CCSER1: variants seen among roughly 807,000 people sequenced by gnomAD.
CCSER1 encodes serine-rich coiled-coil domain-containing protein 1.
In CCSER1, 41 loss-of-function variants were observed where a neutral mutation model predicts 82.0. The observed-to-expected ratio is 0.50, with a 90% CI of 0.39 to 0.65. CCSER1 has a LOEUF of 0.65. CCSER1 is among the 30% of genes least tolerant of loss of function. The pLI is 0.00. For missense variants in CCSER1, 1,119 were observed against 1,064.2 expected (o/e 1.05, Z -0.72); for synonymous variants, 414 against 383.9 (o/e 1.08, Z -0.92).
chr4:91,281,811 G>A (rs897052721), intron 10 of CCSER1, among the ~76,000 whole-genome samples: 1 of 151,958 alleles, frequency 6.6e-6, no homozygotes, highest in Admixed American at 6.6e-5. Flanking sequence ...AAGTAAGTTT[G>A]TTCCTTGTTT....
intron 10 of CCSER1, among the ~76,000 whole-genome samples, chr4:91,547,785 TTTTG>T (rs1761964577): frequency 2.0e-5 from 3 of 152,064 alleles, no homozygotes; most frequent in Admixed American, 2.0e-4. Flanking sequence ...TTTTTTGTTT[TTTTG>T]TTTGTTTTTT....
intron 10 of CCSER1, among the ~76,000 whole-genome samples, chr4:91,096,127 T>G (rs998749356): frequency 6.6e-6 from 1 of 152,152 alleles, no homozygotes; most frequent in Non-Finnish European, 1.5e-5. Flanking sequence ...AAGCACACCT[T>G]TCCACTGTAT....
Position 90,358,079 on chromosome 4 carries a change from GT to G in CCSER1, c.1510-41952del, listed in dbSNP as rs563524392. On this transcript the variant is annotated intron_variant, in intron 3 of 10. Coordinates refer to ENST00000509176, the MANE Select transcript of CCSER1 (RefSeq NM_001145065.2). ...TAAAACTTTAGTGAGATAACTTTTA[GT>G]TTTTATCTGAAGTGTAACTATAAGG... Among the ~76,000 whole-genome samples, 290 of 152,042 alleles carry G rather than the reference GT, an allele frequency of 1.9e-3. 1 individual carries two copies. The highest frequency in any genetic ancestry group is 6.7e-3 in the African/African-American group (277 of 41,518).
intron 10 of CCSER1, among the ~76,000 whole-genome samples, chr4:91,148,476 T>A (rs912348532): frequency 6.6e-6 from 1 of 151,954 alleles, no homozygotes; most frequent in Non-Finnish European, 1.5e-5. Flanking sequence ...CATTCTTATT[T>A]ATTTATTTAT....
chr4:91,049,961 G>A (rs1032900017), intron 9 of CCSER1, among the ~76,000 whole-genome samples: 1 of 152,168 alleles, frequency 6.6e-6, no homozygotes, highest in Non-Finnish European at 1.5e-5. Context: ...ACCCTAATCA[G>A]AATAGTTACT....
At chr4:90,148,474 G>A (rs1233974355) in intron 1 of CCSER1, among the ~76,000 whole-genome samples, 1 of 152,058 alleles carries the variant, frequency 6.6e-6, no homozygotes. Flanking sequence ...ACAAAGAAAT[G>A]CATATTGTCT....
At chr4:90,148,207 TTTATAG>T (rs1282718193) in intron 1 of CCSER1, among the ~76,000 whole-genome samples, 12 of 152,134 alleles carry the variant, frequency 7.9e-5, no homozygotes, top group Non-Finnish European at 1.6e-4. Flanking sequence ...TAATTTAAAT[TTTATAG>T]TTATAGGCAA....
At chr4:90,932,757 G>C (rs1400235932) in intron 9 of CCSER1, among the ~76,000 whole-genome samples, 1 of 146,520 alleles carries the variant, frequency 6.8e-6, no homozygotes, top group Admixed American at 7.0e-5. Context: ...GAACCCGAGA[G>C]GCAGAGGTTG....
chr4:91,528,649 T>C (rs17217396), intron 10 of CCSER1, among the ~76,000 whole-genome samples: 9,333 of 152,196 alleles, frequency 0.061, 406 homozygotes, highest in Middle Eastern at 0.11. Context: ...TTTTGTTGAG[T>C]GAAGAAACTA....
intron 6 of CCSER1, among the ~76,000 whole-genome samples, chr4:90,702,170 G>A (rs1164320124): frequency 6.6e-6 from 1 of 152,152 alleles, no homozygotes; most frequent in African/African-American, 2.4e-5. Context: ...TTTATTGGGA[G>A]TTTTTAGCAT....
chr4:91,361,342 A>G (rs1330539111), intron 10 of CCSER1, among the ~76,000 whole-genome samples: 2 of 151,792 alleles, frequency 1.3e-5, no homozygotes, highest in Non-Finnish European at 2.9e-5. Flanking sequence ...CAGCAGAAAG[A>G]TGGACTGGAG....
chr4:90,729,420 T>A (rs975936953), intron 7 of CCSER1, among the ~76,000 whole-genome samples: 2 of 152,230 alleles, frequency 1.3e-5, no homozygotes, highest in Non-Finnish European at 2.9e-5. Context: ...GAGTATTCAG[T>A]TGAGCTCATA....
At chr4:91,261,666 G>A (rs1385741580) in intron 10 of CCSER1, among the ~76,000 whole-genome samples, 2 of 152,108 alleles carry the variant, frequency 1.3e-5, no homozygotes, top group Non-Finnish European at 2.9e-5. Context: ...TAGAAGCTCT[G>A]AGCATGGAAA....
chr4:90,694,797 G>GTGTGTGT (rs1553987834), intron 6 of CCSER1, among the ~76,000 whole-genome samples: 2 of 145,364 alleles, frequency 1.4e-5, no homozygotes, highest in Admixed American at 1.4e-4. Flanking sequence ...GTGTGTGTGG[G>GTGTGTGT]GTGTGTGTGT....
At chr4:90,983,406 T>A (rs987030451) in intron 9 of CCSER1, among the ~76,000 whole-genome samples, 4 of 151,714 alleles carry the variant, frequency 2.6e-5, no homozygotes, top group African/African-American at 7.2e-5. Flanking sequence ...AAATTTACTG[T>A]AAATAATTTG....
chr4:90,857,067 A>C (rs1394392054), intron 8 of CCSER1, among the ~76,000 whole-genome samples: 1 of 151,988 alleles, frequency 6.6e-6, no homozygotes, highest in African/African-American at 2.4e-5. Flanking sequence ...TGAGGCTGGA[A>C]TTCTGGGGCT....
intron 10 of CCSER1, among the ~76,000 whole-genome samples, chr4:91,158,359 G>T (rs1731029251): frequency 6.6e-6 from 1 of 151,928 alleles, no homozygotes; most frequent in Admixed American, 6.6e-5. Context: ...AGGCTCAAGG[G>T]AAAAGGATTA....
rs1343473443 is a variant in CCSER1 at position 91,099,374 on chromosome 4, T to TA, written c.2217+13386dup. On this transcript the variant is annotated intron_variant, in intron 10 of 10. Coordinates refer to ENST00000509176, the MANE Select transcript of CCSER1 (RefSeq NM_001145065.2). ...ATCAAGAGACCCTTTAAGGACTCAG[T>TA]AAAAAATATCTCAAAACTCAGAATT... Among the ~76,000 whole-genome samples, 4 of 152,304 alleles carry TA rather than the reference T, an allele frequency of 2.6e-5. No homozygotes were observed. The East Asian group carries it at 5.8e-4, about 22-fold the overall frequency.
chr4:91,182,615 A>C (rs55708750), intron 10 of CCSER1, among the ~76,000 whole-genome samples: 46,962 of 152,084 alleles, frequency 0.31, 7,365 homozygotes, highest in Middle Eastern at 0.33. Context: ...TTCCACATAG[A>C]GAAAAATATA....
Sources: gnomAD v4.1 joint callset for allele counts (sites outside exome capture counted in the v4.1 genomes callset) on GRCh38, gnomAD v4.1.1 for gene constraint, MANE v1.5 for transcripts, NCBI Gene and HGNC (gene_info 2026-07-23, HGNC 2026-07-21) for gene names.